Variants in KLF8 observed in about 807,000 individuals in gnomAD.
KLF8 encodes KLF transcription factor 8.
Under a neutral mutation model 18.2 loss-of-function variants are expected in KLF8, and 10 were observed. The observed-to-expected ratio is 0.55, with a 90% CI of 0.34 to 0.93. The LOEUF (loss-of-function observed/expected upper bound fraction) is 0.93. Ranked by LOEUF, KLF8 falls within the 40% of genes least tolerant of loss-of-function variation. The pLI, the probability that KLF8 is intolerant of heterozygous loss-of-function variation, is 0.02. For missense variants in KLF8, 264 were observed against 277.9 expected (o/e 0.95, Z 0.36); for synonymous variants, 109 against 97.3 (o/e 1.12, Z -0.71).
chrX:56,102,889 T>C, the KLF8 span, among the ~76,000 whole-genome samples: 1 of 100,963 alleles, frequency 9.9e-6, no homozygotes, highest in Non-Finnish European at 2.0e-5. Flanking sequence ...CTCCTAATGC[T>C]ATCCCTCCCC....
chrX:56,141,689 G>A, the KLF8 span, among the ~76,000 whole-genome samples: 1 of 111,129 alleles, frequency 9.0e-6, no homozygotes, highest in South Asian at 3.8e-4. Flanking sequence ...TGAAATTACA[G>A]TTATACCTTA....
chrX:56,105,090 T>C, the KLF8 span, among the ~76,000 whole-genome samples: 7 of 112,104 alleles, frequency 6.2e-5, no homozygotes, highest in Non-Finnish European at 1.3e-4. Context: ...CAGTTTGTTG[T>C]GATTTGTGTT....
At chrX:56,167,219 C>T in the KLF8 span, among the ~76,000 whole-genome samples, 1 of 111,547 alleles carries the variant, frequency 9.0e-6, no homozygotes, top group Non-Finnish European at 1.9e-5. Context: ...CAACCACCGC[C>T]TCCTGGGTTC....
chrX:56,290,775 G>A lies in KLF8; in HGVS notation c.*6281G>A, dbSNP rs1022677976. On this transcript the variant is annotated 3_prime_UTR_variant, in exon 6 of 6. Coordinates refer to ENST00000468660, the MANE Select transcript of KLF8 (RefSeq NM_007250.5). Reference sequence around the variant, plus strand: ...AGGGAAGTTGGGTAGGGTGGTTGGGGGTGGGAGTGGGTTGGAAGAGGATGG... The same window carrying A: ...AGGGAAGTTGGGTAGGGTGGTTGGGAGTGGGAGTGGGTTGGAAGAGGATGG... Among the ~76,000 whole-genome samples, 3 of 111,333 alleles carry A rather than the reference G, an allele frequency of 2.7e-5. No homozygotes were observed. The highest frequency in any genetic ancestry group is 9.8e-5 in the African/African-American group (3 of 30,617).
In KLF8 at chrX:56,253,764, C is replaced by CTTTTTTTTTTTTTTTTTTTTTTTTTTTTT. The variant is rs60291877; in HGVS notation, c.81+3474_81+3475insTTTTTTTTTTTTTTTTTTTTTTTTTTTTT. ...GTACATAATGTCTTTTTTTCTTTTT[C>CTTTTTTTTTTTTTTTTTTTTTTTTTTTTT]TTTTTTTTTTTTTTGAGATGTTGTC... On this transcript the variant is annotated intron_variant, in intron 2 of 5. Coordinates refer to ENST00000468660, the MANE Select transcript of KLF8 (RefSeq NM_007250.5). Among the ~76,000 whole-genome samples the CTTTTTTTTTTTTTTTTTTTTTTTTTTTTT allele has an allele frequency of 2.5e-4, 15 of 60,115 alleles. 3 individuals carry two copies. The highest frequency in any genetic ancestry group is 5.7e-4 in the African/African-American group (8 of 13,918). 52.2% of individuals were successfully genotyped at this position (60,115 alleles called of 115,157 possible). A position where few individuals can be genotyped will look rare whatever the true frequency, so the allele number is the denominator to read the frequency against.
At chrX:56,140,558 G>A in the KLF8 span, among the ~76,000 whole-genome samples, 1 of 110,590 alleles carries the variant, frequency 9.0e-6, no homozygotes, top group Admixed American at 9.7e-5. Context: ...AAACATTGGA[G>A]TACACATGTA....
chrX:55,945,253 A>G, the KLF8 span, among the ~76,000 whole-genome samples: 4 of 110,615 alleles, frequency 3.6e-5, no homozygotes, highest in African/African-American at 1.3e-4. Context: ...ACTTCCAACT[A>G]TGCGGTCAAT....
the KLF8 span, among the ~76,000 whole-genome samples, chrX:55,937,501 G>T: frequency 8.9e-6 from 1 of 112,698 alleles, no homozygotes; most frequent in Non-Finnish European, 1.9e-5. Context: ...CTCCTCACTA[G>T]CAATGGAACA....
At chrX:56,162,820 A>C in the KLF8 span, among the ~76,000 whole-genome samples, 6 of 111,216 alleles carry the variant, frequency 5.4e-5, no homozygotes, top group Admixed American at 2.9e-4. Flanking sequence ...AACCCAGTAC[A>C]TCAGTTGGAA....
At chrX:56,250,075 G>A (rs962874750) in intron 1 of KLF8, among the ~76,000 whole-genome samples, 156 bp from the exon 2 acceptor site, 11 of 112,216 alleles carry the variant, frequency 9.8e-5, no homozygotes, top group African/African-American at 3.6e-4. Context: ...CCATCTTGAT[G>A]AGTAAAATAA....
the KLF8 span, among the ~76,000 whole-genome samples, chrX:56,060,421 T>C: frequency 2.7e-5 from 3 of 112,015 alleles, no homozygotes; most frequent in African/African-American, 9.7e-5. Context: ...TTGAAGGCCT[T>C]TTCTGCATCT....
the KLF8 span, among the ~76,000 whole-genome samples, chrX:55,965,782 A>G: frequency 8.9e-6 from 1 of 112,203 alleles, no homozygotes; most frequent in Non-Finnish European, 1.9e-5. Flanking sequence ...AATCGCATTC[A>G]CAATACCCAC....
At chrX:56,195,745 C>T in the KLF8 span, among the ~76,000 whole-genome samples, 1 of 111,611 alleles carries the variant, frequency 9.0e-6, no homozygotes, top group South Asian at 3.8e-4. Flanking sequence ...CACAAAGATA[C>T]TCCTTGAGAA....
At chrX:56,193,633 C>A in the KLF8 span, among the ~76,000 whole-genome samples, 1 of 111,551 alleles carries the variant, frequency 9.0e-6, no homozygotes, top group Admixed American at 9.5e-5. Context: ...TATTATTTAG[C>A]CATAAAAAAG....
At chrX:56,198,106 T>C in the KLF8 span, among the ~76,000 whole-genome samples, 26 of 111,997 alleles carry the variant, frequency 2.3e-4, no homozygotes, top group African/African-American at 8.1e-4. Flanking sequence ...ATAAGAGATA[T>C]TTAGGACAAA....
the KLF8 span, among the ~76,000 whole-genome samples, chrX:56,128,244 AGAG>A: frequency 8.9e-6 from 1 of 112,353 alleles, no homozygotes; most frequent in South Asian, 3.7e-4. Context: ...CATTCACTGG[AGAG>A]GAGTTCTGAT....
chrX:56,156,525 A>G, the KLF8 span, among the ~76,000 whole-genome samples: 1 of 110,353 alleles, frequency 9.1e-6, no homozygotes, highest in Non-Finnish European at 1.9e-5. Flanking sequence ...GCTAAGGATA[A>G]TGGCCTCCAG....
At chrX:55,919,557 A>G in the KLF8 span, among the ~76,000 whole-genome samples, 1 of 111,388 alleles carries the variant, frequency 9.0e-6, no homozygotes, top group Admixed American at 9.5e-5. Context: ...ACCCGCTTTT[A>G]GGATTGCAGG....
At chrX:56,133,412 A>G in the KLF8 span, among the ~76,000 whole-genome samples, 1 of 112,082 alleles carries the variant, frequency 8.9e-6, no homozygotes, top group Non-Finnish European at 1.9e-5. Flanking sequence ...TAAAAACAAA[A>G]ATCACATGAT....
Sources: allele counts gnomAD v4.1 joint callset (sites outside exome capture counted in the v4.1 genomes callset), GRCh38; gene constraint gnomAD v4.1.1; transcripts MANE v1.5; gene names NCBI Gene and HGNC (gene_info 2026-07-23, HGNC 2026-07-21).